Variants in SH3BP2 observed in about 807,000 individuals in gnomAD.
The protein encoded by SH3BP2 is SH3 domain-binding protein 2.
Under a neutral mutation model 56.2 loss-of-function variants are expected in SH3BP2, and 38 were observed. The ratio of observed to expected loss-of-function variants is 0.68; its 90% CI spans 0.52 to 0.89. The LOEUF (loss-of-function observed/expected upper bound fraction) is 0.89, where lower values mean the gene tolerates loss of function less well. SH3BP2 is among the 40% of genes least tolerant of loss of function. SH3BP2 has a pLI of 0.00. For synonymous variants in SH3BP2, 346 were observed against 316.7 expected, an observed-to-expected ratio of 1.09 and a Z score of -0.98; for missense variants, 748 against 762.6, an observed-to-expected ratio of 0.98 and a Z score of 0.23.
intron 1 of SH3BP2, chr4:2,818,601 A>G: frequency 3.5e-6 from 2 of 578,834 alleles, no homozygotes; most frequent in African/African-American, 2.0e-5. Context: ...ATCTGCGGGC[A>G]GCTCCCCGCG....
At chr4:2,795,741 G>C (rs1270179265) in intron 1 of SH3BP2, among the ~76,000 whole-genome samples, 1 of 152,168 alleles carries the variant, frequency 6.6e-6, no homozygotes, top group East Asian at 1.9e-4. Flanking sequence ...TAGGGAGGGT[G>C]GGAGACCAGT....
chr4:2,824,499 C>T, intron 3 of SH3BP2, 114 bp from the exon 4 acceptor site: 1 of 817,416 alleles, frequency 1.2e-6, no homozygotes, highest in South Asian at 1.4e-5. Context: ...CCCGATCTGC[C>T]CTCTTCCGTT....
At chr4:2,813,006 C>T (rs1043492004) in intron 1 of SH3BP2, among the ~76,000 whole-genome samples, 5 of 152,202 alleles carry the variant, frequency 3.3e-5, no homozygotes, top group African/African-American at 1.2e-4. Context: ...TGGGGCTGTG[C>T]TCGCAGAGCC....
Position 2,838,754 on chromosome 4 carries a change from A to T in SH3BP2, c.*4920A>T, listed in dbSNP as rs1221383089. The T allele has an allele frequency of 6.6e-6, 1 of 152,116 alleles. No individual in the cohort carries two copies. The highest frequency in any genetic ancestry group is 1.9e-4 in the East Asian group (1 of 5,196). 9.4% of individuals were successfully genotyped at this position (152,116 alleles called of 1,614,324 possible). On this transcript the variant is annotated 3_prime_UTR_variant, in exon 13 of 13. Coordinates refer to ENST00000503393, the MANE Select transcript of SH3BP2 (RefSeq NM_001122681.2). ...CCAAAAGATTGGACATGCCTGCTGTAGATGGACAGTTGGTTTGTTTCTAGT... is the reference window on the plus strand; with the variant it reads ...CCAAAAGATTGGACATGCCTGCTGTTGATGGACAGTTGGTTTGTTTCTAGT...
At chr4:2,813,824 T>C (rs1723871295) in intron 1 of SH3BP2, among the ~76,000 whole-genome samples, 1 of 151,756 alleles carries the variant, frequency 6.6e-6, no homozygotes, top group Non-Finnish European at 1.5e-5. Context: ...GGAGAATGAG[T>C]GTGTATATAT....
chr4:2,826,728 G>A (rs1215407221), intron 5 of SH3BP2: 1 of 365,226 alleles, frequency 2.7e-6, no homozygotes, highest in Admixed American at 3.5e-5. Flanking sequence ...GTTGCTCTGT[G>A]TGTGTGCATG....
chr4:2,825,517 C>G (rs919835019), intron 5 of SH3BP2, among the ~76,000 whole-genome samples: 1 of 151,278 alleles, frequency 6.6e-6, no homozygotes, highest in East Asian at 1.9e-4. Context: ...CACACACACA[C>G]AGCAACACGT....
At chr4:2,830,202 G>GTCAGAGGCCAGGCCA in intron 8 of SH3BP2, 55 bp downstream of exon 8, 2 of 1,505,714 alleles carry the variant, frequency 1.3e-6, no homozygotes, top group Non-Finnish European at 1.8e-6. Context: ...ACCCTGGCCT[G>GTCAGAGGCCAGGCCA]GCCTCTGACG....
At chr4:2,832,715 C>T (rs575307415) in intron 11 of SH3BP2, among the ~76,000 whole-genome samples, 23 of 152,324 alleles carry the variant, frequency 1.5e-4, no homozygotes, top group Admixed American at 3.3e-4. Context: ...CGTGTCCCTC[C>T]GAGCGTGAAG....
chr4:2,820,310 T>C (rs754611003), intron 1 of SH3BP2, among the ~76,000 whole-genome samples: 2 of 152,208 alleles, frequency 1.3e-5, no homozygotes, highest in Admixed American at 6.5e-5. Flanking sequence ...CGTGGGGCCT[T>C]GCGCTCAGTG....
In SH3BP2 at chr4:2,838,793, A is replaced by C. The variant is rs982455606; in HGVS notation, c.*4959A>C. 1 of 152,178 alleles carries C rather than the reference A, an allele frequency of 6.6e-6. No individual in the cohort carries two copies. Among genetic ancestry groups the C allele is most frequent in the African/African-American group, 2.4e-5 (1 of 41,432 alleles). 9.4% of individuals were successfully genotyped at this position (152,178 alleles called of 1,614,324 possible). The stretch of plus-strand genomic sequence containing the variant: ...TTTGTTTCTAGTTTGGGGTAACTAC[A>C]CACAATGCTGCTAGCAACAGTTTTG... On this transcript the variant is annotated 3_prime_UTR_variant, in exon 13 of 13. Coordinates refer to ENST00000503393, the MANE Select transcript of SH3BP2 (RefSeq NM_001122681.2).
chr4:2,806,263 G>A (rs1405012743), intron 1 of SH3BP2, among the ~76,000 whole-genome samples: 1 of 152,188 alleles, frequency 6.6e-6, no homozygotes, highest in Non-Finnish European at 1.5e-5. Context: ...CGGGGCTGGG[G>A]CATAGGGTGC....
chr4:2,832,176 C>A, intron 10 of SH3BP2, 155 bp from the exon 11 acceptor site: 1 of 956,408 alleles, frequency 1.0e-6, no homozygotes, highest in Non-Finnish European at 1.7e-6. Flanking sequence ...CTCTGCTGGG[C>A]TGCTTCTGTC....
intron 11 of SH3BP2, 67 bp from the exon 12 acceptor site, chr4:2,832,923 C>T (rs914178027): frequency 1.3e-6 from 2 of 1,503,686 alleles, no homozygotes; most frequent in African/African-American, 1.4e-5. Context: ...ATCCCCAGCC[C>T]ATGGTCTCCC....
chr4:2,807,461 G>A (rs988922672), intron 1 of SH3BP2, among the ~76,000 whole-genome samples: 1 of 152,200 alleles, frequency 6.6e-6, no homozygotes, highest in African/African-American at 2.4e-5. Context: ...ACTTGGACCC[G>A]TGGGGAGTGC....
At chr4:2,804,886 G>T (rs1429828343) in intron 1 of SH3BP2, among the ~76,000 whole-genome samples, 1 of 152,264 alleles carries the variant, frequency 6.6e-6, no homozygotes, top group African/African-American at 2.4e-5. Context: ...GCCAAGCGTT[G>T]CAGCTCACTC....
intron 1 of SH3BP2, among the ~76,000 whole-genome samples, chr4:2,795,902 C>G (rs1723044995): frequency 6.6e-6 from 1 of 152,198 alleles, no homozygotes. Flanking sequence ...GTGGCCCTGT[C>G]TGGACACCGA....
At chr4:2,801,066 AGAG>A (rs1723258539) in intron 1 of SH3BP2, among the ~76,000 whole-genome samples, 1 of 138,072 alleles carries the variant, frequency 7.2e-6, no homozygotes, top group Non-Finnish European at 1.6e-5. Flanking sequence ...TTGGGGGCGG[AGAG>A]GAGGAGACCC....
At chr4:2,808,687 A>C (rs1042408471) in intron 1 of SH3BP2, among the ~76,000 whole-genome samples, 2 of 152,036 alleles carry the variant, frequency 1.3e-5, no homozygotes, top group Non-Finnish European at 2.9e-5. Context: ...CCCAGGCCCC[A>C]TGGGAGGGGC....
Sources: gnomAD v4.1 joint callset for allele counts (sites outside exome capture counted in the v4.1 genomes callset) on GRCh38, gnomAD v4.1.1 for gene constraint, MANE v1.5 for transcripts, NCBI Gene and HGNC (gene_info 2026-07-23, HGNC 2026-07-21) for gene names.